The following ARHGAP10 variants were observed in gnomAD, a reference collection of about 807,000 sequenced individuals.
ARHGAP10 encodes Rho GTPase activating protein 10, also known as rho GTPase-activating protein 10.
ARHGAP10 carries 87 observed loss-of-function variants against 108.6 expected under a neutral mutation model. That is an observed-to-expected ratio of 0.80 (90% CI 0.67 to 0.96). The LOEUF is 0.96. ARHGAP10 is among the 40% of genes least tolerant of loss of function. The probability of loss-of-function intolerance (pLI) is 0.00; values close to 1 mark genes in which losing one functional copy is unlikely to be tolerated. For synonymous variants in ARHGAP10, 347 were observed against 341.1 expected, an observed-to-expected ratio of 1.02 and a Z score of -0.19; for missense variants, 939 against 954.5, an observed-to-expected ratio of 0.98 and a Z score of 0.21.
At chr4:147,895,429 T>C (rs1477573944) in intron 10 of ARHGAP10, among the ~76,000 whole-genome samples, 1 of 144,958 alleles carries the variant, frequency 6.9e-6, no homozygotes, top group East Asian at 2.0e-4. Flanking sequence ...CCCAGCACTT[T>C]AGAAAGCTGA....
intron 7 of ARHGAP10, among the ~76,000 whole-genome samples, chr4:147,873,681 AACACACACACACAC>A (rs67852364): frequency 7.1e-5 from 7 of 98,716 alleles, no homozygotes; most frequent in African/African-American, 1.8e-4. Flanking sequence ...CAAAAAACAA[AACACACACACACAC>A]ACACACACAC....
intron 18 of ARHGAP10, among the ~76,000 whole-genome samples, chr4:147,994,206 A>T (rs1383586853): frequency 6.6e-6 from 1 of 152,198 alleles, no homozygotes; most frequent in African/African-American, 2.4e-5. Context: ...ACATTACTAC[A>T]TGGATGGCTT....
intron 13 of ARHGAP10, among the ~76,000 whole-genome samples, chr4:147,937,459 T>G (rs1738001194): frequency 6.6e-6 from 1 of 152,178 alleles, no homozygotes; most frequent in South Asian, 2.1e-4. Context: ...ACAGATGAAT[T>G]TGTGGGGATA....
chr4:147,924,160 T>C (rs1260010053), intron 13 of ARHGAP10, among the ~76,000 whole-genome samples: 3 of 152,226 alleles, frequency 2.0e-5, no homozygotes, highest in African/African-American at 7.2e-5. Flanking sequence ...AGTAATCTTA[T>C]TTGTTTTAAG....
chr4:147,893,884 A>G (rs947262821), intron 10 of ARHGAP10, among the ~76,000 whole-genome samples: 1 of 152,170 alleles, frequency 6.6e-6, no homozygotes, highest in Non-Finnish European at 1.5e-5. Flanking sequence ...TGTTTTTCAT[A>G]GAATGTAAGA....
intron 20 of ARHGAP10, among the ~76,000 whole-genome samples, chr4:148,059,061 T>G (rs1371164830): frequency 2.0e-5 from 3 of 152,226 alleles, no homozygotes; most frequent in Non-Finnish European, 4.4e-5. Flanking sequence ...CAATTTGAAA[T>G]CTTCATGTGC....
chr4:147,991,323 G>A (rs1297191451), intron 18 of ARHGAP10, among the ~76,000 whole-genome samples: 1 of 152,104 alleles, frequency 6.6e-6, no homozygotes, highest in Middle Eastern at 3.2e-3. Flanking sequence ...AGGCAGCCCT[G>A]TAGTGAGAAT....
At chr4:147,749,787 T>C (rs1259167409) in intron 1 of ARHGAP10, among the ~76,000 whole-genome samples, 1 of 152,242 alleles carries the variant, frequency 6.6e-6, no homozygotes, top group African/African-American at 2.4e-5. Context: ...ATAAGAGAAC[T>C]GAGACGGTCA....
intron 8 of ARHGAP10, among the ~76,000 whole-genome samples, chr4:147,878,461 C>T (rs561822656): frequency 6.6e-6 from 1 of 152,232 alleles, no homozygotes; most frequent in East Asian, 1.9e-4. Context: ...GGATGCTGTT[C>T]ATGGACTTAA....
chr4:147,903,254 C>T (rs941546005), intron 10 of ARHGAP10, among the ~76,000 whole-genome samples: 2 of 152,158 alleles, frequency 1.3e-5, no homozygotes, highest in African/African-American at 2.4e-5. Flanking sequence ...TTCTATGCAC[C>T]TTCTCAGCTT....
intron 18 of ARHGAP10, among the ~76,000 whole-genome samples, chr4:148,019,180 G>T (rs989289394): frequency 6.6e-5 from 10 of 152,134 alleles, no homozygotes; most frequent in African/African-American, 2.4e-4. Flanking sequence ...GAATAACTTG[G>T]CTCAGAGCAC....
chr4:147,963,968 A>T (rs1397292672), intron 16 of ARHGAP10, among the ~76,000 whole-genome samples: 1 of 152,164 alleles, frequency 6.6e-6, no homozygotes, highest in Non-Finnish European at 1.5e-5. Flanking sequence ...TTATGATCTC[A>T]TCTAAACTGA....
chr4:147,759,938 C>T (rs10029636), intron 1 of ARHGAP10, among the ~76,000 whole-genome samples: 3,989 of 152,122 alleles, frequency 0.026, 180 homozygotes, highest in African/African-American at 0.091. Flanking sequence ...TTAGTAGAGA[C>T]GGTGTTTCAC....
intron 1 of ARHGAP10, among the ~76,000 whole-genome samples, chr4:147,755,934 A>G (rs1057193440): frequency 6.6e-6 from 1 of 152,014 alleles, no homozygotes; most frequent in Non-Finnish European, 1.5e-5. Context: ...GAAGAGCTGC[A>G]TGTAACAGAA....
At chr4:147,741,782 A>ACACACACACG (rs1312926168) in intron 1 of ARHGAP10, among the ~76,000 whole-genome samples, 7 of 36,390 alleles carry the variant, frequency 1.9e-4, no homozygotes, top group South Asian at 1.2e-3. Flanking sequence ...ACACACACAC[A>ACACACACACG]CACACACACG....
intron 10 of ARHGAP10, among the ~76,000 whole-genome samples, chr4:147,897,310 C>T (rs1736033369): frequency 6.6e-6 from 1 of 151,332 alleles, no homozygotes; most frequent in Non-Finnish European, 1.5e-5. Context: ...GCTATGTTGC[C>T]CAGGCTGGTC....
intron 3 of ARHGAP10, among the ~76,000 whole-genome samples, chr4:147,837,173 G>A (rs560854828): frequency 3.3e-5 from 5 of 152,222 alleles, no homozygotes; most frequent in African/African-American, 7.2e-5. Flanking sequence ...GGTATAGGCC[G>A]GGGGAGGCTG....
intron 1 of ARHGAP10, among the ~76,000 whole-genome samples, chr4:147,820,469 A>T (rs890418875): frequency 2.0e-5 from 3 of 150,552 alleles, no homozygotes; most frequent in Admixed American, 2.0e-4. Flanking sequence ...TGTTTTTAGT[A>T]GAGATGGGTT....
chr4:147,854,035 G>T (rs1171918838), intron 4 of ARHGAP10, among the ~76,000 whole-genome samples: 1 of 152,024 alleles, frequency 6.6e-6, no homozygotes, highest in Non-Finnish European at 1.5e-5. Flanking sequence ...AGAAGATCTG[G>T]TTATTTGAAT....
Sources: allele counts gnomAD v4.1 joint callset (sites outside exome capture counted in the v4.1 genomes callset), GRCh38; gene constraint gnomAD v4.1.1; transcripts MANE v1.5; gene names NCBI Gene and HGNC (gene_info 2026-07-23, HGNC 2026-07-21).